PLA2G6: variants seen among roughly 807,000 people sequenced by gnomAD.
PLA2G6 encodes the protein phospholipase A2 group VI, also known as 85/88 kDa calcium-independent phospholipase A2.
In PLA2G6, 62 loss-of-function variants were observed where a neutral mutation model predicts 83.8. The ratio of observed to expected loss-of-function variants is 0.74; its 90% CI spans 0.60 to 0.91. The LOEUF is 0.91. Among genes scored for constraint, PLA2G6 ranks in the 40% least tolerant of loss-of-function variants. The pLI, the probability that PLA2G6 is intolerant of heterozygous loss-of-function variation, is 0.00. For synonymous variants in PLA2G6, 417 were observed against 449.8 expected (o/e 0.93, Z 0.92); for missense variants, 944 against 1,102.0 (o/e 0.86, Z 2.03).
At chr22:38,114,860 G>T (rs2145678804) in intron 14 of PLA2G6, among the ~76,000 whole-genome samples, 1 of 152,298 alleles carries the variant, frequency 6.6e-6, no homozygotes, top group African/African-American at 2.4e-5. Flanking sequence ...TTAGGTAGCT[G>T]CAGTGAGTGC....
chr22:38,120,749 C>CA lies in PLA2G6; in HGVS notation c.1742+9dup. ...AGCTGCGGCCACGGCCCCAGTGCGC[C>CA]AGGGCTTACTTGGGTTTCCTGACGT... On this transcript the variant is annotated intron_variant, in intron 12 of 16. Transcript: ENST00000332509. 6.2e-7 allele frequency: 1 copy of CA among 1,613,552 alleles called. No homozygotes were observed. Among genetic ancestry groups the CA allele is most frequent in the South Asian group, 1.1e-5 (1 of 91,084 alleles).
chr22:38,167,835 A>AC (rs920245032), intron 2 of PLA2G6: 3 of 166,628 alleles, frequency 1.8e-5, no homozygotes, highest in South Asian at 4.1e-4. Flanking sequence ...ACTTTCAGAG[A>AC]CCCCTCCTGC....
chr22:38,163,600 G>A (rs2090102756), intron 2 of PLA2G6: 2 of 169,418 alleles, frequency 1.2e-5, no homozygotes, highest in Non-Finnish European at 2.9e-5. Flanking sequence ...GCTCTGAGTG[G>A]GAACAGGACA....
intron 2 of PLA2G6, among the ~76,000 whole-genome samples, chr22:38,164,032 G>A (rs2090121689): frequency 6.6e-6 from 1 of 152,156 alleles, no homozygotes; most frequent in Admixed American, 6.5e-5. Flanking sequence ...CCCTGTTTCT[G>A]CTGAGATACC....
intron 12 of PLA2G6, among the ~76,000 whole-genome samples, chr22:38,119,240 G>C (rs1225594842): frequency 6.6e-6 from 1 of 152,134 alleles, no homozygotes. Context: ...TCCGGGCACA[G>C]AGACAGCTTT....
At chr22:38,127,281 G>A (rs555624015) in intron 9 of PLA2G6, 13 of 1,246,742 alleles carry the variant, frequency 1.0e-5, no homozygotes, top group South Asian at 5.4e-5. Context: ...GAGAGAGGCC[G>A]GGGACAGGGT....
chr22:38,113,358 C>A, intron 15 of PLA2G6, 129 bp downstream of exon 15: 1 of 906,524 alleles, frequency 1.1e-6, no homozygotes, highest in Admixed American at 1.8e-5. Flanking sequence ...CTCCCTCCAG[C>A]TGGCTAAAGG....
intron 3 of PLA2G6, chr22:38,143,547 G>A: frequency 1.7e-6 from 1 of 583,296 alleles, no homozygotes; most frequent in Non-Finnish European, 3.1e-6. Context: ...GAAGTGGGCA[G>A]GGTGGTGGCA....
chr22:38,177,582 T>C (rs133022), intron 1 of PLA2G6, among the ~76,000 whole-genome samples: 77,340 of 150,824 alleles, frequency 0.51, 20,351 homozygotes, highest in South Asian at 0.64. Context: ...CCTGCCTCAG[T>C]CTCCAGACTA....
chr22:38,145,020 G>A (rs546436512), intron 3 of PLA2G6: 2 of 340,404 alleles, frequency 5.9e-6, no homozygotes, highest in Non-Finnish European at 1.1e-5. Context: ...TAATCTGGTA[G>A]CAACGCAGCA....
At chr22:38,177,224 T>C (rs1008313819) in intron 1 of PLA2G6, among the ~76,000 whole-genome samples, 13 of 151,974 alleles carry the variant, frequency 8.6e-5, no homozygotes, top group East Asian at 7.7e-4. Context: ...GCTCAATCTG[T>C]GGGTGAGAAA....
At chr22:38,125,615 G>A (rs1042729791) in intron 10 of PLA2G6, 4 of 467,352 alleles carry the variant, frequency 8.6e-6, no homozygotes, top group Non-Finnish European at 1.8e-5. Flanking sequence ...AGACCCGGCT[G>A]TGAGTTGCCA....
At position 38,125,599 on chromosome 22, in the gene PLA2G6, T is replaced by C. The variant is rs1602106930; in HGVS notation, c.1427+772A>G. On this transcript the variant is annotated intron_variant, in intron 10 of 16. Transcript: ENST00000332509. The stretch of plus-strand genomic sequence containing the variant: ...CCTGCGGTAGCACAAAGGACGTGGG[T>C]TCGGAAGACCCGGCTGTGAGTTGCC... The C allele has an allele frequency of 8.7e-6, 4 of 461,388 alleles. No individual in the cohort carries two copies. The East Asian group carries it at 2.8e-4, about 33-fold the overall frequency. 28.6% of individuals were successfully genotyped at this position (461,388 alleles called of 1,614,324 possible).
In PLA2G6 at chr22:38,123,137, C is replaced by A. The variant is rs1289140545; in HGVS notation, c.1549G>T (p.Gly517Cys). 11 of 1,550,036 alleles carry A rather than the reference C, an allele frequency of 7.1e-6. No individual in the cohort carries two copies. The highest frequency in any genetic ancestry group is 8.7e-6 in the Non-Finnish European group (10 of 1,147,258). ...ATKDLFDWVAGTSTGGILALA... is the reference protein window; with the variant it reads ...ATKDLFDWVACTSTGGILALA... Reference sequence around the variant, plus strand: ...GCCAGGATGCCTCCAGTGCTGGTGCCCGCCACCCAGTCAAACAGGTCCTTG... The same window carrying A: ...GCCAGGATGCCTCCAGTGCTGGTGCACGCCACCCAGTCAAACAGGTCCTTG... Residue 517 changes from glycine to cysteine, a missense_variant, in exon 11 of 17, where the codon GGC (glycine) becomes TGC (cysteine). Transcript: ENST00000332509. The surrounding 1 kb of genome is among the most constrained non-coding windows in gnomAD (Gnocchi z 4.1).
intron 2 of PLA2G6, among the ~76,000 whole-genome samples, chr22:38,157,753 C>T (rs572623044): frequency 2.0e-5 from 3 of 152,082 alleles, no homozygotes; most frequent in African/African-American, 4.8e-5. Flanking sequence ...AGGTCACTCA[C>T]GGCCAGGCGC....
chr22:38,125,291 C>T (rs2087783982), intron 10 of PLA2G6, among the ~76,000 whole-genome samples: 2 of 152,010 alleles, frequency 1.3e-5, no homozygotes, highest in Admixed American at 6.5e-5. Flanking sequence ...AACCCGCAGG[C>T]ATGTGCATGT....
chr22:38,116,149 T>C lies in PLA2G6; in HGVS notation c.1805A>G (p.Tyr602Cys). The C allele has an allele frequency of 1.2e-6, 2 of 1,613,730 alleles. No individual in the cohort carries two copies. The highest frequency in any genetic ancestry group is 1.7e-6 in the Non-Finnish European group (2 of 1,179,734). ...CTCCCGGACAGTTTCTGGAGCATCGTAGTTCCGGAAGAGGTGGAGTTCAGC... is the reference window on the plus strand; with the variant it reads ...CTCCCGGACAGTTTCTGGAGCATCGCAGTTCCGGAAGAGGTGGAGTTCAGC... ...QPAELHLFRN[Y>C]DAPETVREPR... Residue 602 changes from tyrosine (Y) to cysteine (C), a missense_variant, in exon 13 of 17, where the codon TAC becomes TGC. Physicochemically the swap from Tyr to Cys is radical, Grantham distance 194. Transcript: ENST00000332509.
chr22:38,114,879 C>G (rs894460825), intron 14 of PLA2G6, among the ~76,000 whole-genome samples: 11 of 152,208 alleles, frequency 7.2e-5, no homozygotes, highest in East Asian at 3.8e-4. Flanking sequence ...GCAGGCAGAA[C>G]GGGGACCCCC....
chr22:38,150,777 T>C (rs1215766683), intron 2 of PLA2G6, among the ~76,000 whole-genome samples: 1 of 152,170 alleles, frequency 6.6e-6, no homozygotes, highest in Non-Finnish European at 1.5e-5. Context: ...AATGACTTCC[T>C]TAAAGAGCTG....
Sources: gnomAD v4.1 joint callset for allele counts (sites outside exome capture counted in the v4.1 genomes callset) on GRCh38, gnomAD v4.1.1 for gene constraint, Gnocchi (gnomAD v3.1) non-coding constraint, MANE v1.5 for transcripts, NCBI Gene and HGNC (gene_info 2026-07-23, HGNC 2026-07-21) for gene names.